The following CLUL1 variants were observed in gnomAD, a reference collection of about 807,000 sequenced individuals.
CLUL1 encodes clusterin like 1.
CLUL1 carries 43 observed loss-of-function variants against 49.4 expected under a neutral mutation model. That is an observed-to-expected ratio of 0.87 (90% CI 0.68 to 1.12). The LOEUF (loss-of-function observed/expected upper bound fraction) is 1.12. Ranked by LOEUF, CLUL1 falls within the 50% of genes most tolerant of loss-of-function variation. The probability of loss-of-function intolerance (pLI) is 0.00; values close to 1 mark genes in which losing one functional copy is unlikely to be tolerated. For missense variants in CLUL1, 486 were observed against 544.4 expected (o/e 0.89, Z 1.07); for synonymous variants, 192 against 184.9 (o/e 1.04, Z -0.31).
chr18:612,552 G>A (rs763648189), intron 2 of CLUL1, among the ~76,000 whole-genome samples: 5 of 152,124 alleles, frequency 3.3e-5, no homozygotes, highest in Admixed American at 6.5e-5. Flanking sequence ...TTTTCATTTT[G>A]CACTGGGTCC....
At chr18:620,740 T>C (rs976492436) in intron 4 of CLUL1, among the ~76,000 whole-genome samples, 1 of 152,218 alleles carries the variant, frequency 6.6e-6, no homozygotes, top group Non-Finnish European at 1.5e-5. Context: ...TCAAATGTCT[T>C]TGGAAGATGT....
rs147591820 is a variant in CLUL1 at position 619,085 on chromosome 18, T to C, written c.107-128T>C. 2.9e-4 allele frequency: 243 copies of C among 842,006 alleles called. 1 individual carries two copies. The African/African-American group carries it at 3.8e-3, about 13-fold the overall frequency. 52.2% of individuals were successfully genotyped at this position (842,006 alleles called of 1,614,324 possible). ...GCAGCTGACAGCTAATTCATTATGA[T>C]CTGCTTTCAGAATATGAGCCTATAA... On this transcript the variant is annotated intron_variant, in intron 3 of 9. Coordinates refer to ENST00000692774, the MANE Select transcript of CLUL1 (RefSeq NM_001393344.1).
chr18:613,682 T>A (rs2143971473), intron 2 of CLUL1, among the ~76,000 whole-genome samples: 1 of 152,140 alleles, frequency 6.6e-6, no homozygotes, highest in African/African-American at 2.4e-5. Flanking sequence ...CTCAAACTCC[T>A]GACCCAAGTG....
intron 1 of CLUL1, chr18:598,261 A>G (rs2072714862): frequency 3.2e-6 from 1 of 314,108 alleles, no homozygotes; most frequent in East Asian, 5.0e-5. Context: ...AATGCATAGA[A>G]GAGGACATGC....
chr18:604,056 A>G (rs1232516882), intron 1 of CLUL1, among the ~76,000 whole-genome samples: 3 of 152,008 alleles, frequency 2.0e-5, no homozygotes. Context: ...AATTTTTTGT[A>G]TTTTTATAAT....
chr18:641,377 T>A lies in CLUL1; in HGVS notation c.1045T>A (p.Leu349Met). 6.2e-7 allele frequency: 1 copy of A among 1,614,172 alleles called. No individual in the cohort carries two copies. The highest frequency in any genetic ancestry group is 8.5e-7 in the Non-Finnish European group (1 of 1,180,028). Residue 349 changes from leucine (L) to methionine (M), a missense_variant, in exon 8 of 10, where the codon TTG becomes ATG. Coordinates refer to ENST00000692774, the MANE Select transcript of CLUL1 (RefSeq NM_001393344.1). ...CACAGAATTAGACGAGGCGATCAGGTTGGTCAATGTATCCAATCAGCAGTA... is the reference window on the plus strand; with the variant it reads ...CACAGAATTAGACGAGGCGATCAGGATGGTCAATGTATCCAATCAGCAGTA... ...LHTELDEAIR[L>M]VNVSNQQYGQ...
rs2073776995 is a variant in CLUL1, at chr18:626,930, GGAAAGAAGGAAAGAAGGAAGGAA to G, written c.424-165_424-143del. Among the ~76,000 whole-genome samples the G allele has an allele frequency of 8.0e-4, 8 of 9,970 alleles. 2 individuals are homozygous for G. Among genetic ancestry groups the G allele is most frequent in the African/African-American group, 2.2e-3 (8 of 3,718 alleles). 6.5% of individuals were successfully genotyped at this position (9,970 alleles called of 152,430 possible). A position where few individuals can be genotyped will look rare whatever the true frequency, so the allele number is the denominator to read the frequency against. The stretch of plus-strand genomic sequence containing the variant: ...AAGAAAGAAAGAAAGAAAGAAAGAA[GGAAAGAAGGAAAGAAGGAAGGAA>G]GGAAGGAAGGAAGGAAGGAAGGAAG... On this transcript the variant is annotated intron_variant, in intron 5 of 9. Transcript: ENST00000692774.
rs1400875171 is a variant in CLUL1, at chr18:624,869, C to T, written c.260C>T (p.Ala87Val). 1 of 1,613,340 alleles carries T rather than the reference C, an allele frequency of 6.2e-7. No homozygotes were observed. The highest frequency in any genetic ancestry group is 8.5e-7 in the Non-Finnish European group (1 of 1,179,774). ...LKKCREEKQEALKLLNEVQEH... is the reference protein window; with the variant it reads ...LKKCREEKQEVLKLLNEVQEH... ...TTTGTTTCTACTTTTAACTAGGAGG[C>T]CCTGAAACTTCTGAATGAAGTTCAA... Residue 87 changes from alanine to valine, a missense_variant, in exon 5 of 10, where the codon GCC becomes GTC. Coordinates refer to ENST00000692774, the MANE Select transcript of CLUL1 (RefSeq NM_001393344.1).
At chr18:632,926 G>A (rs545055682) in intron 6 of CLUL1, among the ~76,000 whole-genome samples, 11 of 152,178 alleles carry the variant, frequency 7.2e-5, no homozygotes, top group East Asian at 1.9e-4. Context: ...AGGCCGAGGC[G>A]GGTGGATCAT....
intron 8 of CLUL1, among the ~76,000 whole-genome samples, chr18:642,146 G>T (rs1475041399): frequency 6.6e-6 from 1 of 152,148 alleles, no homozygotes; most frequent in Non-Finnish European, 1.5e-5. Flanking sequence ...AAAATACATT[G>T]CCAGCTGGGC....
intron 9 of CLUL1, among the ~76,000 whole-genome samples, chr18:645,800 AAAAAAAAAAAATATATATATATATAT>A (rs1460594174): frequency 2.1e-5 from 1 of 48,768 alleles, no homozygotes; most frequent in African/African-American, 8.6e-5. Flanking sequence ...TTTAAAAAAA[AAAAAAAAAAAATATATATATATATAT>A]ATATATATAT....
chr18:633,549 T>A (rs1472240871), intron 7 of CLUL1, 114 bp downstream of exon 7: 1 of 984,116 alleles, frequency 1.0e-6, no homozygotes, highest in Non-Finnish European at 1.5e-6. Context: ...TTCTTTTTAA[T>A]TCTCAGCAAG....
intron 1 of CLUL1, among the ~76,000 whole-genome samples, chr18:602,689 TGG>T (rs2072866305): frequency 6.6e-6 from 1 of 152,174 alleles, no homozygotes; most frequent in East Asian, 1.9e-4. Context: ...ACAAGTAGAA[TGG>T]GGCAATAAAT....
intron 2 of CLUL1, among the ~76,000 whole-genome samples, chr18:609,823 CAAAA>C (rs10550407): frequency 0.014 from 1,384 of 100,716 alleles, 21 homozygotes; most frequent in African/African-American, 0.046. Context: ...GACTCTGTCT[CAAAA>C]AAAAAAAAAA....
chr18:616,834 G>T (rs1489588663), intron 2 of CLUL1: 7 of 249,918 alleles, frequency 2.8e-5, no homozygotes, highest in Non-Finnish European at 4.4e-5. Flanking sequence ...TAGTTGAAAT[G>T]ATGTATGTAA....
intron 1 of CLUL1, among the ~76,000 whole-genome samples, chr18:601,247 T>G (rs1011409721): frequency 6.6e-6 from 1 of 152,196 alleles, no homozygotes; most frequent in African/African-American, 2.4e-5. Context: ...TGTTTCCAAG[T>G]TTGTGTCACT....
In CLUL1 at chr18:633,292, C is replaced by G; in HGVS notation, c.857-6C>G. 6.2e-7 allele frequency: 1 copy of G among 1,609,796 alleles called. No homozygotes were observed. Among genetic ancestry groups the G allele is most frequent in the Non-Finnish European group, 8.5e-7 (1 of 1,178,066 alleles). ...CACTAACGTGTAAATGTTATGTTCC[C>G]TGTAGCTCCTGACCACGGAGGCCTG... On this transcript the variant is annotated splice_polypyrimidine_tract_variant and splice_region_variant and intron_variant, in intron 6 of 9. Transcript: ENST00000692774.
intron 9 of CLUL1, among the ~76,000 whole-genome samples, chr18:647,622 G>A (rs998345283): frequency 6.6e-6 from 1 of 152,154 alleles, no homozygotes; most frequent in Non-Finnish European, 1.5e-5. Flanking sequence ...GGCCCAGCTG[G>A]GACATGTGTG....
intron 8 of CLUL1, among the ~76,000 whole-genome samples, chr18:642,546 T>A (rs567387110): frequency 6.6e-6 from 1 of 152,208 alleles, no homozygotes; most frequent in Admixed American, 6.5e-5. Flanking sequence ...TCCTAAGACA[T>A]CCCCCCTCCA....
Sources: allele counts gnomAD v4.1 joint callset (sites outside exome capture counted in the v4.1 genomes callset), GRCh38; gene constraint gnomAD v4.1.1; transcripts MANE v1.5; gene names NCBI Gene and HGNC (gene_info 2026-07-23, HGNC 2026-07-21).